Variants in DLG2 observed in about 807,000 individuals in gnomAD.
DLG2 encodes the protein disks large homolog 2.
Under a neutral mutation model 132.5 loss-of-function variants are expected in DLG2, and 45 were observed. The ratio of observed to expected loss-of-function variants is 0.34; its 90% CI spans 0.27 to 0.44. DLG2 has a LOEUF of 0.44. Among genes scored for constraint, DLG2 ranks in the 20% least tolerant of loss-of-function variants. DLG2 has a pLI of 1.00. For missense variants in DLG2, 1,045 were observed against 1,196.9 expected (o/e 0.87, Z 1.87); for synonymous variants, 424 against 419.6 (o/e 1.01, Z -0.13).
chr11:85,458,616 T>C (rs978240663), intron 3 of DLG2, among the ~76,000 whole-genome samples: 1 of 152,234 alleles, frequency 6.6e-6, no homozygotes, highest in Non-Finnish European at 1.5e-5. Context: ...CTGGGTGTTT[T>C]CAGAGGGCTG....
chr11:85,137,606 T>C (rs894153707), intron 5 of DLG2, among the ~76,000 whole-genome samples: 4 of 152,114 alleles, frequency 2.6e-5, no homozygotes, highest in Non-Finnish European at 1.5e-5. Context: ...CCTAAAAAGA[T>C]AGGTTCATCT....
chr11:83,564,102 G>GTTTTTTTT (rs5793072), intron 19 of DLG2, among the ~76,000 whole-genome samples: 1 of 146,382 alleles, frequency 6.8e-6, no homozygotes. Flanking sequence ...TTTTTCATGT[G>GTTTTTTTT]TTTTTTTTTT....
At chr11:84,154,858 A>C (rs2095395115) in intron 9 of DLG2, among the ~76,000 whole-genome samples, 1 of 152,150 alleles carries the variant, frequency 6.6e-6, no homozygotes, top group Non-Finnish European at 1.5e-5. Flanking sequence ...ATAGTATTCC[A>C]TGGTGTATAT....
At chr11:84,415,860 T>C (rs1000095368) in intron 7 of DLG2, among the ~76,000 whole-genome samples, 6 of 152,170 alleles carry the variant, frequency 3.9e-5, no homozygotes, top group African/African-American at 7.2e-5. Flanking sequence ...CATATATGCA[T>C]TGAGAGGATT....
intron 7 of DLG2, among the ~76,000 whole-genome samples, chr11:84,373,265 C>CAAAAAAAAAAAA (rs59038372): frequency 2.0e-4 from 20 of 98,052 alleles, no homozygotes; most frequent in African/African-American, 8.2e-4. Context: ...AAAAAAAAAA[C>CAAAAAAAAAAAA]AAAACAAAAA....
chr11:83,837,396 G>A (rs2056485391), intron 16 of DLG2, among the ~76,000 whole-genome samples: 1 of 152,106 alleles, frequency 6.6e-6, no homozygotes, highest in African/African-American at 2.4e-5. Context: ...TGGAAATTCA[G>A]TTCTTGTTCT....
At chr11:84,110,452 T>A (rs2093278128) in intron 9 of DLG2, among the ~76,000 whole-genome samples, 1 of 152,204 alleles carries the variant, frequency 6.6e-6, no homozygotes, top group Non-Finnish European at 1.5e-5. Flanking sequence ...TAGGCTGTAC[T>A]AGTCCAAGTC....
chr11:84,628,390 A>G (rs2099626334), intron 6 of DLG2, among the ~76,000 whole-genome samples: 1 of 152,202 alleles, frequency 6.6e-6, no homozygotes, highest in African/African-American at 2.4e-5. Context: ...AAGGTTTACA[A>G]TCTCTGCCCT....
intron 6 of DLG2, among the ~76,000 whole-genome samples, chr11:84,960,646 C>T (rs1020870427): frequency 7.2e-5 from 11 of 151,862 alleles, no homozygotes; most frequent in African/African-American, 2.7e-4. Flanking sequence ...ACCGTATTGC[C>T]CAGGTTGGTC....
intron 3 of DLG2, among the ~76,000 whole-genome samples, chr11:85,356,821 T>TAGATAGATAGATAGACAGACAGAC (rs1555076100): frequency 8.7e-6 from 1 of 115,020 alleles, no homozygotes. Context: ...GATAGATAGA[T>TAGATAGATAGATAGACAGACAGAC]AGATAGAGAT....
intron 6 of DLG2, chr11:84,923,159 C>T (rs1319086263): frequency 1.2e-6 from 2 of 1,612,870 alleles, no homozygotes; most frequent in African/African-American, 2.7e-5. Context: ...TTCAGCTTCT[C>T]AGCACAGCGC....
At chr11:84,171,352 G>A (rs1306757630) in intron 8 of DLG2, among the ~76,000 whole-genome samples, 2 of 152,042 alleles carry the variant, frequency 1.3e-5, no homozygotes, top group African/African-American at 2.4e-5. Context: ...ATCACCTAAG[G>A]TACACTGTAT....
chr11:84,533,591 A>G (rs568139832), intron 7 of DLG2, among the ~76,000 whole-genome samples: 104 of 152,290 alleles, frequency 6.8e-4, no homozygotes, highest in African/African-American at 2.4e-3. Flanking sequence ...TTGAAACGTA[A>G]GGTTAAGCAT....
intron 3 of DLG2, among the ~76,000 whole-genome samples, chr11:85,493,174 T>A (rs535090565): frequency 6.6e-6 from 1 of 152,340 alleles, no homozygotes; most frequent in South Asian, 2.1e-4. Flanking sequence ...GGAAGGTTTA[T>A]ATGGTAGTAG....
chr11:83,497,534 CAAAAACAAAAAACA>C (rs762133392), intron 21 of DLG2, among the ~76,000 whole-genome samples: 1 of 84,158 alleles, frequency 1.2e-5, no homozygotes, highest in Admixed American at 1.1e-4. Context: ...GACTTCGTCT[CAAAAACAAAAAACA>C]AAAAACAAAA....
At chr11:85,335,574 C>G (rs1055878969) in intron 3 of DLG2, among the ~76,000 whole-genome samples, 1 of 93,024 alleles carries the variant, frequency 1.1e-5, no homozygotes, top group African/African-American at 4.3e-5. Flanking sequence ...ATGTTTAGCT[C>G]TCCTTTAAGG....
intron 6 of DLG2, among the ~76,000 whole-genome samples, chr11:84,863,513 C>T (rs1456321464): frequency 6.6e-6 from 1 of 152,094 alleles, no homozygotes; most frequent in Non-Finnish European, 1.5e-5. Context: ...ATTATTTAAT[C>T]CATCCCTTCC....
intron 7 of DLG2, among the ~76,000 whole-genome samples, chr11:84,388,166 A>G (rs1826672424): frequency 6.6e-6 from 1 of 152,228 alleles, no homozygotes; most frequent in Non-Finnish European, 1.5e-5. Flanking sequence ...ACAGATACAC[A>G]GAATTCCAAT....
intron 7 of DLG2, among the ~76,000 whole-genome samples, chr11:84,301,453 C>T (rs771947233): frequency 1.1e-4 from 16 of 151,664 alleles, no homozygotes; most frequent in Non-Finnish European, 8.8e-5. Flanking sequence ...GTCAGGAGAT[C>T]GAGACCATCC....
Sources: allele counts gnomAD v4.1 joint callset (sites outside exome capture counted in the v4.1 genomes callset), GRCh38; gene constraint gnomAD v4.1.1; transcripts MANE v1.5; gene names NCBI Gene and HGNC (gene_info 2026-07-23, HGNC 2026-07-21).